The following WWOX variants were observed in gnomAD, a reference collection of about 807,000 sequenced individuals.
WWOX encodes the protein WW domain containing oxidoreductase, also known as WW domain-containing oxidoreductase.
Under a neutral mutation model 46.2 loss-of-function variants are expected in WWOX, and 69 were observed. The ratio of observed to expected loss-of-function variants is 1.49; its 90% CI spans 1.23 to 1.82. The LOEUF (loss-of-function observed/expected upper bound fraction) is 1.82. WWOX is among the 40% of genes most tolerant of loss of function. The probability of loss-of-function intolerance (pLI) is 0.00; values close to 1 mark genes in which losing one functional copy is unlikely to be tolerated. For missense variants in WWOX, 919 were observed against 542.6 expected, an observed-to-expected ratio of 1.69 and a Z score of -6.89; for synonymous variants, 359 against 202.6, an observed-to-expected ratio of 1.77 and a Z score of -6.56.
chr16:78,875,262 C>G (rs1024453894), intron 8 of WWOX, among the ~76,000 whole-genome samples: 1 of 152,120 alleles, frequency 6.6e-6, no homozygotes, highest in Non-Finnish European at 1.5e-5. Flanking sequence ...TTCTACCACT[C>G]CCAGTAAATC....
chr16:78,710,436 T>A (rs960097430), intron 8 of WWOX, among the ~76,000 whole-genome samples: 2 of 130,522 alleles, frequency 1.5e-5, no homozygotes, highest in Non-Finnish European at 3.2e-5. Flanking sequence ...TGCAAGAATT[T>A]ATCCCTTCTG....
chr16:78,738,554 A>C (rs1031719023), intron 8 of WWOX, among the ~76,000 whole-genome samples: 5 of 152,078 alleles, frequency 3.3e-5, no homozygotes, highest in Non-Finnish European at 7.3e-5. Context: ...TCTCACTTTT[A>C]TTAGAAGAGT....
chr16:79,181,223 C>G (rs2050905472), intron 8 of WWOX, among the ~76,000 whole-genome samples: 1 of 152,056 alleles, frequency 6.6e-6, no homozygotes, highest in Admixed American at 6.6e-5. Context: ...TATTTTAAAA[C>G]TTGCTTTATT....
At chr16:79,011,229 C>G (rs2047300668) in intron 8 of WWOX, among the ~76,000 whole-genome samples, 1 of 151,104 alleles carries the variant, frequency 6.6e-6, no homozygotes, top group African/African-American at 2.4e-5. Flanking sequence ...CCTGAAATTC[C>G]TTAGCAGGCA....
At chr16:78,716,574 C>G (rs1462390316) in intron 8 of WWOX, among the ~76,000 whole-genome samples, 1 of 152,060 alleles carries the variant, frequency 6.6e-6, no homozygotes, top group African/African-American at 2.4e-5. Context: ...AGTGTCTTCC[C>G]AGCCCCTGCC....
rs146757790 is a variant in WWOX, at chr16:78,840,688, C to T, written c.1057-370920C>T. 2.4e-3 allele frequency among the ~76,000 whole-genome samples: 366 copies of T among 151,584 alleles called. 1 individual carries two copies. The highest frequency in any genetic ancestry group is 8.2e-3 in the African/African-American group (340 of 41,306). ...TGATTCAGTAGGTCTAGGTGGGGCC[C>T]GAGCTTCTTTGTTTCCTTTTCTTAT... On this transcript the variant is annotated intron_variant, in intron 8 of 8. Transcript: ENST00000566780.
chr16:78,396,951 G>A (rs78490202), intron 6 of WWOX, among the ~76,000 whole-genome samples: 8,603 of 152,198 alleles, frequency 0.057, 310 homozygotes, highest in Middle Eastern at 0.12. Flanking sequence ...TTGGACGGTG[G>A]CCCAGAGACC....
intron 8 of WWOX, among the ~76,000 whole-genome samples, chr16:79,124,541 G>C (rs1404032513): frequency 6.6e-6 from 1 of 152,150 alleles, no homozygotes. Context: ...TTCAGATTCA[G>C]CATCTTTTGT....
In WWOX at chr16:78,943,422, C is replaced by T. The variant is rs377025871; in HGVS notation, c.1057-268186C>T. Among the ~76,000 whole-genome samples the T allele has an allele frequency of 1.5e-3, 225 of 151,584 alleles. 2 individuals are homozygous for T. Among genetic ancestry groups the T allele is most frequent in the African/African-American group, 5.3e-3 (215 of 40,932 alleles). ...ACTCCCCCAGGCCAGATAACCCATC[C>T]AGACCTGGAGAACTCCTAGAGGGAG... On this transcript the variant is annotated intron_variant, in intron 8 of 8. Transcript: ENST00000566780.
intron 8 of WWOX, among the ~76,000 whole-genome samples, chr16:78,440,994 A>G (rs977709749): frequency 6.6e-6 from 1 of 151,576 alleles, no homozygotes; most frequent in Non-Finnish European, 1.5e-5. Context: ...CTAGGCTGGA[A>G]TGCAGTGGTG....
At chr16:78,374,163 C>T (rs1440483346) in intron 5 of WWOX, among the ~76,000 whole-genome samples, 2 of 152,208 alleles carry the variant, frequency 1.3e-5, no homozygotes, top group Non-Finnish European at 1.5e-5. Context: ...CCCTGTTGCT[C>T]ATTTGGAAGC....
intron 8 of WWOX, among the ~76,000 whole-genome samples, chr16:78,471,310 C>T (rs548563301): frequency 2.6e-5 from 4 of 152,312 alleles, no homozygotes; most frequent in African/African-American, 9.6e-5. Context: ...CAGAGGGATT[C>T]TGGGTAGCCC....
chr16:79,127,223 T>C (rs184966647), intron 8 of WWOX, among the ~76,000 whole-genome samples: 8 of 152,272 alleles, frequency 5.3e-5, no homozygotes, highest in African/African-American at 1.9e-4. Flanking sequence ...TTTTTCTTTA[T>C]GTGTGTTAAA....
At chr16:78,361,488 G>C (rs190407590) in intron 5 of WWOX, among the ~76,000 whole-genome samples, 1 of 152,154 alleles carries the variant, frequency 6.6e-6, no homozygotes, top group Non-Finnish European at 1.5e-5. Flanking sequence ...GTTGGATCTT[G>C]CCTGCAGCAG....
chr16:78,914,271 C>G (rs1422167028), intron 8 of WWOX, among the ~76,000 whole-genome samples: 2 of 152,040 alleles, frequency 1.3e-5, no homozygotes, highest in African/African-American at 2.4e-5. Context: ...ATTAGTATTG[C>G]CTTCCCATGA....
intron 5 of WWOX, among the ~76,000 whole-genome samples, chr16:78,362,201 G>A (rs561463133): frequency 6.6e-6 from 1 of 152,140 alleles, no homozygotes; most frequent in African/African-American, 2.4e-5. Context: ...CTAGGGAATT[G>A]TACTGAACTC....
At chr16:79,186,234 T>C (rs2051012115) in intron 8 of WWOX, among the ~76,000 whole-genome samples, 1 of 152,196 alleles carries the variant, frequency 6.6e-6, no homozygotes, top group South Asian at 2.1e-4. Flanking sequence ...TTCCCATGGC[T>C]GCTGTAACAA....
At chr16:78,895,788 A>G (rs1288287948) in intron 8 of WWOX, 3 of 152,238 alleles carry the variant, frequency 2.0e-5, no homozygotes, top group Non-Finnish European at 4.4e-5. Flanking sequence ...AACAAAAACA[A>G]GTTTTCTTAA....
chr16:78,462,232 T>C (rs2151424360), intron 8 of WWOX, among the ~76,000 whole-genome samples: 1 of 151,658 alleles, frequency 6.6e-6, no homozygotes, highest in South Asian at 2.1e-4. Flanking sequence ...CTTTCTCTCT[T>C]GCTCACGCTC....
Sources: gnomAD v4.1 joint callset for allele counts (sites outside exome capture counted in the v4.1 genomes callset) on GRCh38, gnomAD v4.1.1 for gene constraint, MANE v1.5 for transcripts, NCBI Gene and HGNC (gene_info 2026-07-23, HGNC 2026-07-21) for gene names.